The following COL19A1 variants were observed in gnomAD, a reference collection of about 807,000 sequenced individuals.
The protein encoded by COL19A1 is collagen type XIX alpha 1 chain.
COL19A1 carries 159 observed loss-of-function variants against 190.2 expected under a neutral mutation model. That is an observed-to-expected ratio of 0.84 (90% CI 0.73 to 0.95). COL19A1 has a LOEUF of 0.95. COL19A1 is among the 40% of genes least tolerant of loss of function. The probability of loss-of-function intolerance (pLI) is 0.00; values close to 1 mark genes in which losing one functional copy is unlikely to be tolerated. For synonymous variants in COL19A1, 509 were observed against 458.9 expected, an observed-to-expected ratio of 1.11 and a Z score of -1.39; for missense variants, 1,418 against 1,431.9, an observed-to-expected ratio of 0.99 and a Z score of 0.16.
intron 16 of COL19A1, among the ~76,000 whole-genome samples, chr6:70,118,696 A>C (rs575332894): frequency 2.0e-5 from 3 of 152,370 alleles, no homozygotes; most frequent in Non-Finnish European, 2.9e-5. Flanking sequence ...TTGTGACAAA[A>C]GCAGAACATA....
chr6:70,142,645 A>G (rs1410495657), intron 22 of COL19A1, 122 bp from the exon 23 acceptor site: 5 of 725,708 alleles, frequency 6.9e-6, no homozygotes, highest in Admixed American at 5.6e-5. Context: ...GGAAAGTGGG[A>G]TGGTGGAAAG....
At chr6:70,040,499 A>C (rs1779584410) in intron 14 of COL19A1, among the ~76,000 whole-genome samples, 1 of 152,216 alleles carries the variant, frequency 6.6e-6, no homozygotes, top group Non-Finnish European at 1.5e-5. Context: ...GAAACCTATT[A>C]ATAAGAAAGC....
chr6:70,184,675 G>T (rs1293778601), intron 44 of COL19A1, 28 bp from the exon 45 acceptor site: 2 of 1,558,678 alleles, frequency 1.3e-6, no homozygotes, highest in Non-Finnish European at 8.8e-7. Context: ...TGCAGAGTTA[G>T]AAATATTAAT....
Position 70,009,680 on chromosome 6 carries a change from C to T in COL19A1, c.1027-13947C>T, listed in dbSNP as rs188935422. 9.5e-3 allele frequency among the ~76,000 whole-genome samples: 1,320 copies of T among 139,202 alleles called. 8 individuals carry two copies. Among genetic ancestry groups the T allele is most frequent in the Non-Finnish European group, 0.011 (716 of 67,644 alleles). 91.3% of individuals were successfully genotyped at this position (139,202 alleles called of 152,430 possible). On this transcript the variant is annotated intron_variant, in intron 11 of 50. Transcript: ENST00000620364. ...AACAAAACTGAAGGACTAATATTAC[C>T]TGATTTCAACATTTATCATAATGAT... is the stretch of plus-strand genomic sequence containing the variant.
At chr6:69,956,897 G>A (rs929746713) in intron 9 of COL19A1, among the ~76,000 whole-genome samples, 4 of 151,982 alleles carry the variant, frequency 2.6e-5, no homozygotes, top group African/African-American at 9.7e-5. Context: ...TTTCAGTACA[G>A]AAATGTTATA....
chr6:70,198,867 T>C (rs1435406122), intron 48 of COL19A1, among the ~76,000 whole-genome samples: 2 of 152,214 alleles, frequency 1.3e-5, no homozygotes, highest in East Asian at 3.9e-4. Context: ...CAGGATGTCA[T>C]TCAGAGCTGC....
At chr6:70,132,325 G>A (rs2150224973) in intron 18 of COL19A1, among the ~76,000 whole-genome samples, 2 of 152,204 alleles carry the variant, frequency 1.3e-5, no homozygotes, top group East Asian at 3.9e-4. Context: ...CTTGGAGCCA[G>A]GAGGTAGAGG....
At chr6:69,969,019 T>G (rs1359817898) in intron 11 of COL19A1, among the ~76,000 whole-genome samples, 1 of 152,234 alleles carries the variant, frequency 6.6e-6, no homozygotes, top group Non-Finnish European at 1.5e-5. Context: ...CTGTGTGAAC[T>G]TGGATATGTT....
At chr6:70,193,599 TCTTAGC>T (rs1767012080) in intron 48 of COL19A1, among the ~76,000 whole-genome samples, 1 of 152,172 alleles carries the variant, frequency 6.6e-6, no homozygotes, top group Admixed American at 6.5e-5. Context: ...ACCACAGGTG[TCTTAGC>T]CTTAAGACAA....
intron 36 of COL19A1, among the ~76,000 whole-genome samples, 179 bp from the exon 37 acceptor site, chr6:70,165,762 G>A (rs138805373): frequency 5.3e-5 from 8 of 152,230 alleles, no homozygotes; most frequent in African/African-American, 1.9e-4. Context: ...CCTGTCCTGC[G>A]GTCTAGAAAT....
chr6:69,933,804 A>G (rs901032609), intron 7 of COL19A1, among the ~76,000 whole-genome samples: 1 of 152,114 alleles, frequency 6.6e-6, no homozygotes, highest in South Asian at 2.1e-4. Context: ...TTTTATTCCT[A>G]ATGCTTCATT....
At chr6:70,105,707 C>A (rs1582923282) in intron 16 of COL19A1, among the ~76,000 whole-genome samples, 1 of 152,144 alleles carries the variant, frequency 6.6e-6, no homozygotes, top group Admixed American at 6.5e-5. Flanking sequence ...TTGGTAGGAT[C>A]TACAGTTTTT....
intron 11 of COL19A1, among the ~76,000 whole-genome samples, chr6:69,998,343 C>T (rs898994937): frequency 6.6e-6 from 1 of 151,874 alleles, no homozygotes; most frequent in Non-Finnish European, 1.5e-5. Context: ...CATTATTTCA[C>T]ATAGAAACTT....
At chr6:70,000,596 G>T (rs1267374539) in intron 11 of COL19A1, among the ~76,000 whole-genome samples, 1 of 152,112 alleles carries the variant, frequency 6.6e-6, no homozygotes, top group African/African-American at 2.4e-5. Flanking sequence ...TTGTGGTTTT[G>T]ATTTGCATTT....
At chr6:70,038,342 A>G (rs1041453721) in intron 14 of COL19A1, among the ~76,000 whole-genome samples, 41 of 152,354 alleles carry the variant, frequency 2.7e-4, no homozygotes, top group African/African-American at 9.9e-4. Context: ...TATATTTTAA[A>G]AGCTCCCCGA....
At chr6:69,951,990 A>AT (rs1453042486) in intron 9 of COL19A1, among the ~76,000 whole-genome samples, 1 of 151,766 alleles carries the variant, frequency 6.6e-6, no homozygotes, top group Non-Finnish European at 1.5e-5. Flanking sequence ...TAGATCTTAA[A>AT]TTTGTTTGCC....
At chr6:70,093,599 G>A (rs146463964) in intron 15 of COL19A1, among the ~76,000 whole-genome samples, 1 of 152,066 alleles carries the variant, frequency 6.6e-6, no homozygotes, top group Non-Finnish European at 1.5e-5. Context: ...CGTTCCAAAG[G>A]GAAAAGCAGC....
rs562400888 is a variant in COL19A1 at position 70,031,236 on chromosome 6, C to CT, written c.1081-2999dup. 2.5e-3 allele frequency among the ~76,000 whole-genome samples: 374 copies of CT among 149,912 alleles called. 2 individuals are homozygous for CT. Among genetic ancestry groups the CT allele is most frequent in the South Asian group, 7.0e-3 (33 of 4,714 alleles). On this transcript the variant is annotated intron_variant, in intron 12 of 50. Transcript: ENST00000620364. ...ACACAGATCATTGCGTGGCTGGATC[C>CT]TTTTTTTTTTAATTTGAGCAAATTC...
intron 44 of COL19A1, among the ~76,000 whole-genome samples, chr6:70,183,049 G>T (rs1490039302): frequency 6.6e-6 from 1 of 152,068 alleles, no homozygotes; most frequent in Non-Finnish European, 1.5e-5. Context: ...TGTGAGGAGT[G>T]GGGAGGTGAT....
Sources: allele counts gnomAD v4.1 joint callset (sites outside exome capture counted in the v4.1 genomes callset), GRCh38; gene constraint gnomAD v4.1.1; transcripts MANE v1.5; gene names NCBI Gene and HGNC (gene_info 2026-07-23, HGNC 2026-07-21).